FRMD4B: variants seen among roughly 807,000 people sequenced by gnomAD.
The protein encoded by FRMD4B is FERM domain-containing protein 4B.
In FRMD4B, 74 loss-of-function variants were observed where a neutral mutation model predicts 141.5. That is an observed-to-expected ratio of 0.52 (90% CI 0.43 to 0.63). FRMD4B has a LOEUF of 0.63. Ranked by LOEUF, FRMD4B falls within the 30% of genes least tolerant of loss-of-function variation. FRMD4B has a pLI of 0.00. For missense variants in FRMD4B, 1,366 were observed against 1,253.4 expected, an observed-to-expected ratio of 1.09 and a Z score of -1.36; for synonymous variants, 506 against 467.9, an observed-to-expected ratio of 1.08 and a Z score of -1.05.
At chr3:69,301,025 C>T (rs549218755) in intron 4 of FRMD4B, among the ~76,000 whole-genome samples, 62 of 152,134 alleles carry the variant, frequency 4.1e-4, no homozygotes, top group Non-Finnish European at 7.5e-4. Context: ...CGTGAGCCAC[C>T]GCGCCTGGCT....
intron 1 of FRMD4B, among the ~76,000 whole-genome samples, chr3:69,470,726 G>A (rs1156750750): frequency 6.6e-6 from 1 of 152,068 alleles, no homozygotes. Context: ...GGCTCAAAGA[G>A]AACTACATTC....
chr3:69,175,745 T>A (rs1407981446), intron 22 of FRMD4B, among the ~76,000 whole-genome samples: 1 of 150,888 alleles, frequency 6.6e-6, no homozygotes, highest in Admixed American at 6.6e-5. Flanking sequence ...AGATGAGGGG[T>A]TAGCAAACTT....
At chr3:69,343,180 C>A (rs7640281) in intron 1 of FRMD4B, among the ~76,000 whole-genome samples, 25,767 of 152,000 alleles carry the variant, frequency 0.17, 2,370 homozygotes, top group African/African-American at 0.23. Context: ...TCTTGACCTC[C>A]TGGCCTCAAG....
intron 12 of FRMD4B, among the ~76,000 whole-genome samples, chr3:69,197,264 C>T (rs1281339281): frequency 6.6e-6 from 1 of 152,094 alleles, no homozygotes; most frequent in Non-Finnish European, 1.5e-5. Flanking sequence ...AAAACACATA[C>T]ACATGAACTC....
rs146572314 is a variant in FRMD4B, at chr3:69,225,411, T to C, written c.582-721A>G. On this transcript the variant is annotated intron_variant, in intron 7 of 22. Coordinates refer to ENST00000398540, the MANE Select transcript of FRMD4B (RefSeq NM_015123.3). ...GGAGAACAGGCCGGACACAGTGGCTTACGCCTGTAATCCCAGCACTTTGGG... is the reference window on the plus strand; with the variant it reads ...GGAGAACAGGCCGGACACAGTGGCTCACGCCTGTAATCCCAGCACTTTGGG... Among the ~76,000 whole-genome samples the C allele has an allele frequency of 6.0e-3, 906 of 151,090 alleles. 10 individuals carry two copies. The highest frequency in any genetic ancestry group is 0.016 in the African/African-American group (649 of 41,142).
At chr3:69,318,765 G>C (rs140366386) in intron 1 of FRMD4B, among the ~76,000 whole-genome samples, 1 of 152,302 alleles carries the variant, frequency 6.6e-6, no homozygotes, top group East Asian at 1.9e-4. Flanking sequence ...TTAGAAATCA[G>C]GTAATGCCAC....
At chr3:69,541,815 A>G (rs1397374935) in intron 1 of FRMD4B, among the ~76,000 whole-genome samples, 2 of 143,934 alleles carry the variant, frequency 1.4e-5, no homozygotes, top group Non-Finnish European at 3.0e-5. Flanking sequence ...GCTGCCTTTT[A>G]GAAGTATCTC....
intron 1 of FRMD4B, among the ~76,000 whole-genome samples, chr3:69,360,087 G>T (rs990575912): frequency 6.6e-6 from 1 of 152,084 alleles, no homozygotes; most frequent in Non-Finnish European, 1.5e-5. Context: ...AGAACCTGGA[G>T]TTTTGTTTTC....
chr3:69,183,328 C>G (rs2092728684), intron 19 of FRMD4B, among the ~76,000 whole-genome samples: 1 of 152,008 alleles, frequency 6.6e-6, no homozygotes, highest in Admixed American at 6.6e-5. Context: ...AATATAAAAA[C>G]CATTCTTAGC....
At chr3:69,381,191 C>G (rs1704110444) in intron 1 of FRMD4B, among the ~76,000 whole-genome samples, 1 of 152,212 alleles carries the variant, frequency 6.6e-6, no homozygotes, top group Non-Finnish European at 1.5e-5. Context: ...TACCTTATAG[C>G]TAGTATCTTA....
chr3:69,325,660 A>C (rs1265835620), intron 1 of FRMD4B, among the ~76,000 whole-genome samples: 1 of 152,156 alleles, frequency 6.6e-6, no homozygotes, highest in Non-Finnish European at 1.5e-5. Flanking sequence ...AAAGGATAAA[A>C]AATCAGTCTC....
rs2092648135 is a variant in FRMD4B at position 69,176,521 on chromosome 3, C to T, written c.2984+3G>A. 2 of 1,610,866 alleles carry T rather than the reference C, an allele frequency of 1.2e-6. No individual in the cohort carries two copies. The highest frequency in any genetic ancestry group is 2.2e-5 in the South Asian group (2 of 90,924). The stretch of plus-strand genomic sequence containing the variant: ...CTAGGATTTTCGAGCATTGCTTCCT[C>T]ACCTGCTTGGAGAGGGTAAAGGATT... On this transcript the variant is annotated splice_donor_region_variant and intron_variant, in intron 22 of 22. Coordinates refer to ENST00000398540, the MANE Select transcript of FRMD4B (RefSeq NM_015123.3).
At chr3:69,203,099 G>C (rs77368979) in intron 11 of FRMD4B, among the ~76,000 whole-genome samples, 2 of 149,346 alleles carry the variant, frequency 1.3e-5, no homozygotes, top group African/African-American at 4.9e-5. Context: ...AAAAAAAAAA[G>C]TGTTGATGGT....
At chr3:69,281,092 G>A (rs751118712) in intron 5 of FRMD4B, among the ~76,000 whole-genome samples, 14 of 151,914 alleles carry the variant, frequency 9.2e-5, no homozygotes, top group Non-Finnish European at 1.9e-4. Flanking sequence ...CACTATGCCC[G>A]GCTAATGTTT....
At chr3:69,423,407 A>G (rs1705016665) in intron 2 of FRMD4B, among the ~76,000 whole-genome samples, 1 of 152,208 alleles carries the variant, frequency 6.6e-6, no homozygotes, top group South Asian at 2.1e-4. Context: ...CTGAGATATA[A>G]CAAAATAAAG....
At chr3:69,272,233 C>G (rs2093597591) in intron 5 of FRMD4B, among the ~76,000 whole-genome samples, 1 of 152,142 alleles carries the variant, frequency 6.6e-6, no homozygotes, top group Non-Finnish European at 1.5e-5. Context: ...CCTCTACCAC[C>G]TGGGTTCAAG....
chr3:69,278,138 G>A (rs1251284809), intron 5 of FRMD4B, among the ~76,000 whole-genome samples: 1 of 152,226 alleles, frequency 6.6e-6, no homozygotes, highest in African/African-American at 2.4e-5. Context: ...ACAGGCTTGA[G>A]CCACTGTGCC....
chr3:69,510,741 T>C (rs1279765128), intron 1 of FRMD4B, among the ~76,000 whole-genome samples: 1 of 152,156 alleles, frequency 6.6e-6, no homozygotes. Context: ...TACTCTATAA[T>C]TTCCAGACCA....
At chr3:69,259,337 C>G (rs1244052792) in intron 5 of FRMD4B, among the ~76,000 whole-genome samples, 1 of 152,222 alleles carries the variant, frequency 6.6e-6, no homozygotes, top group Non-Finnish European at 1.5e-5. Context: ...TGAAGCTTCT[C>G]TCGTTCACCC....
Sources: gnomAD v4.1 joint callset for allele counts (sites outside exome capture counted in the v4.1 genomes callset) on GRCh38, gnomAD v4.1.1 for gene constraint, MANE v1.5 for transcripts, NCBI Gene and HGNC (gene_info 2026-07-23, HGNC 2026-07-21) for gene names.